SMOC2: variants seen among roughly 807,000 people sequenced by gnomAD.
SMOC2 encodes the protein SPARC related modular calcium binding 2, also known as SPARC-related modular calcium-binding protein 2.
SMOC2 carries 39 observed loss-of-function variants against 61.4 expected under a neutral mutation model. The ratio of observed to expected loss-of-function variants is 0.64; its 90% confidence interval spans 0.49 to 0.83. The LOEUF is 0.83. Among genes scored for constraint, SMOC2 ranks in the 40% least tolerant of loss-of-function variants. The pLI, the probability that SMOC2 is intolerant of heterozygous loss-of-function variation, is 0.00. For synonymous variants in SMOC2, 247 were observed against 239.9 expected, an observed-to-expected ratio of 1.03 and a Z score of -0.27; for missense variants, 556 against 592.9, an observed-to-expected ratio of 0.94 and a Z score of 0.65.
intron 4 of SMOC2, among the ~76,000 whole-genome samples, chr6:168,530,934 G>A (rs1783586347): frequency 6.6e-6 from 1 of 152,172 alleles, no homozygotes; most frequent in African/African-American, 2.4e-5. Flanking sequence ...CTGCCTGGGT[G>A]AGCACTGCGG....
At position 168,608,059 on chromosome 6, in the gene SMOC2, A is replaced by T. The variant is rs1346364031; in HGVS notation, c.825-98A>T. 1.0e-5 allele frequency: 11 copies of T among 1,087,904 alleles called. No individual in the cohort carries two copies. The Admixed American group carries it at 2.1e-4, about 21-fold the overall frequency. 67.4% of individuals were successfully genotyped at this position (1,087,904 alleles called of 1,614,324 possible). On this transcript the variant is annotated intron_variant, in intron 8 of 12. Coordinates refer to ENST00000356284, the MANE Select transcript of SMOC2 (RefSeq NM_001166412.2). ...GCATCAGAGCCACAGGTCACGGTGT[A>T]TGCTAGGGTAGGACACTCCAGAAAT...
intron 7 of SMOC2, among the ~76,000 whole-genome samples, chr6:168,585,218 C>T (rs1785021952): frequency 2.0e-5 from 3 of 152,194 alleles, no homozygotes; most frequent in Admixed American, 6.5e-5. Context: ...CTTGACCTCC[C>T]AAAGGGCTGG....
Position 168,646,044 on chromosome 6 carries a change from A to G in SMOC2, c.908-4637A>G, listed in dbSNP as rs1442251927. Among the ~76,000 whole-genome samples, 7 of 152,334 alleles carry G rather than the reference A, an allele frequency of 4.6e-5. No homozygotes were observed. In the East Asian group the frequency reaches 1.2e-3, roughly 25 times the overall value. Reference sequence around the variant, plus strand: ...ATCCATTCTTTTCTCCTCATTTCTCATCTATACCAGTTTCCTAAACATTGG... The same window carrying G: ...ATCCATTCTTTTCTCCTCATTTCTCGTCTATACCAGTTTCCTAAACATTGG... On this transcript the variant is annotated intron_variant, in intron 9 of 12. Transcript: ENST00000356284.
chr6:168,659,597 G>GA (rs1787431582), intron 11 of SMOC2, among the ~76,000 whole-genome samples: 1 of 133,372 alleles, frequency 7.5e-6, no homozygotes, highest in African/African-American at 2.8e-5. Flanking sequence ...TTGTAGGTTG[G>GA]GTGAGGGTGG....
intron 9 of SMOC2, among the ~76,000 whole-genome samples, chr6:168,615,342 G>GA (rs1288908865): frequency 1.4e-5 from 1 of 72,570 alleles, no homozygotes; most frequent in Admixed American, 1.4e-4. Context: ...GCCAGCACAG[G>GA]GCCTCTTCAC....
intron 1 of SMOC2, among the ~76,000 whole-genome samples, chr6:168,460,570 A>C (rs1781698484): frequency 6.6e-6 from 1 of 152,154 alleles, no homozygotes; most frequent in Non-Finnish European, 1.5e-5. Context: ...CCAAATCCTG[A>C]ATTTTATAAT....
intron 2 of SMOC2, among the ~76,000 whole-genome samples, chr6:168,516,869 C>T (rs374722010): frequency 9.4e-4 from 143 of 152,170 alleles, no homozygotes; most frequent in African/African-American, 3.4e-3. Flanking sequence ...CAGGGGAATC[C>T]CTTGAACCCG....
intron 4 of SMOC2, 74 bp downstream of exon 4, chr6:168,527,801 T>G (rs1562329539): frequency 7.0e-6 from 7 of 1,004,248 alleles, no homozygotes; most frequent in East Asian, 5.3e-5. Context: ...TCATCTTCCC[T>G]GGGTTTACTG....
chr6:168,625,385 A>G (rs1329913930), intron 9 of SMOC2, among the ~76,000 whole-genome samples: 1 of 152,200 alleles, frequency 6.6e-6, no homozygotes, highest in Admixed American at 6.5e-5. Context: ...AGCAGAGAGC[A>G]CTGGGTCCAG....
intron 8 of SMOC2, among the ~76,000 whole-genome samples, chr6:168,605,724 G>A (rs1242369686): frequency 1.3e-5 from 2 of 152,192 alleles, no homozygotes; most frequent in Non-Finnish European, 2.9e-5. Flanking sequence ...CTAGTCTCGT[G>A]CCACCCATGT....
intron 11 of SMOC2, among the ~76,000 whole-genome samples, chr6:168,656,871 G>A (rs575503361): frequency 9.2e-5 from 14 of 152,320 alleles, no homozygotes; most frequent in Non-Finnish European, 1.5e-4. Context: ...ATGTCTTCAC[G>A]GGAGAGCAGA....
At chr6:168,560,079 T>C (rs1784363592) in intron 7 of SMOC2, among the ~76,000 whole-genome samples, 1 of 152,246 alleles carries the variant, frequency 6.6e-6, no homozygotes, top group African/African-American at 2.4e-5. Flanking sequence ...ATAATTATTC[T>C]TCTCTAAAAA....
At chr6:168,525,842 G>A (rs953633191) in intron 2 of SMOC2, among the ~76,000 whole-genome samples, 4 of 152,164 alleles carry the variant, frequency 2.6e-5, no homozygotes, top group Admixed American at 2.0e-4. Context: ...GTCCCACCGC[G>A]TGCGTCCTGA....
intron 1 of SMOC2, among the ~76,000 whole-genome samples, chr6:168,495,217 G>T (rs991718960): frequency 6.6e-6 from 1 of 152,192 alleles, no homozygotes; most frequent in Non-Finnish European, 1.5e-5. Context: ...ACAAAGGAGG[G>T]ACCTCCGGCC....
rs779496371 is a variant in SMOC2 at position 168,530,522 on chromosome 6, A to G, written c.463+2795A>G. On this transcript the variant is annotated intron_variant, in intron 4 of 12. Coordinates refer to ENST00000356284, the MANE Select transcript of SMOC2 (RefSeq NM_001166412.2). ...TCCTGATGACCAGTAAAGGCAGGAA[A>G]AGGTGCCTAGGATCTTCAGTCCCAG... Among the ~76,000 whole-genome samples, 20 of 152,122 alleles carry G rather than the reference A, an allele frequency of 1.3e-4. 1 individual carries two copies. Among genetic ancestry groups the G allele is most frequent in the South Asian group, 4.1e-4 (2 of 4,830 alleles).
At chr6:168,622,747 C>T (rs796988719) in intron 9 of SMOC2, among the ~76,000 whole-genome samples, 6 of 152,240 alleles carry the variant, frequency 3.9e-5, no homozygotes, top group African/African-American at 1.2e-4. Flanking sequence ...CAGAGAGCCT[C>T]CTTCACAGGG....
chr6:168,481,368 C>T (rs1057460279), intron 1 of SMOC2, among the ~76,000 whole-genome samples: 7 of 151,910 alleles, frequency 4.6e-5, no homozygotes, highest in Admixed American at 6.6e-5. Flanking sequence ...AAACAACAAT[C>T]GAAAGGTAGG....
intron 7 of SMOC2, among the ~76,000 whole-genome samples, chr6:168,570,495 A>G (rs1397106994): frequency 2.6e-5 from 4 of 152,190 alleles, no homozygotes; most frequent in African/African-American, 9.6e-5. Flanking sequence ...GTGCTCAGCT[A>G]GGAGGGAGCC....
At chr6:168,583,266 T>A (rs1382210866) in intron 7 of SMOC2, among the ~76,000 whole-genome samples, 1 of 152,044 alleles carries the variant, frequency 6.6e-6, no homozygotes, top group Admixed American at 6.5e-5. Context: ...CTGCCCTGCC[T>A]CACTCCTTCC....
Sources: gnomAD v4.1 joint callset for allele counts (sites outside exome capture counted in the v4.1 genomes callset) on GRCh38, gnomAD v4.1.1 for gene constraint, MANE v1.5 for transcripts, NCBI Gene and HGNC (gene_info 2026-07-23, HGNC 2026-07-21) for gene names.